Variants in LRRC4B observed in about 807,000 individuals in gnomAD.
The protein encoded by LRRC4B is leucine rich repeat containing 4B, also known as leucine-rich repeat-containing protein 4B.
Under a neutral mutation model 7.3 loss-of-function variants are expected in LRRC4B, and 1 was observed. The ratio of observed to expected loss-of-function variants is 0.14; its 90% confidence interval spans 0.05 to 0.65. LRRC4B has a LOEUF of 0.65. LRRC4B is among the 30% of genes least tolerant of loss of function. The probability of loss-of-function intolerance (pLI) is 0.84; values close to 1 mark genes in which losing one functional copy is unlikely to be tolerated. For missense variants in LRRC4B, 730 were observed against 1,041.6 expected (o/e 0.70, Z 4.12); for synonymous variants, 500 against 499.2 (o/e 1.00, Z -0.02).
intron 2 of LRRC4B, among the ~76,000 whole-genome samples, chr19:50,544,235 A>G (rs7257595): frequency 0.24 from 36,126 of 149,934 alleles, 4,702 homozygotes; most frequent in Admixed American, 0.37. Context: ...GGCCGGGCGC[A>G]GTGGCTCATG....
At chr19:50,567,021 G>A (rs544877835) in intron 1 of LRRC4B, among the ~76,000 whole-genome samples, 6 of 151,262 alleles carry the variant, frequency 4.0e-5, no homozygotes, top group African/African-American at 1.5e-4. Flanking sequence ...GATATCTGGG[G>A]GATTGTCAGA....
intron 1 of LRRC4B, among the ~76,000 whole-genome samples, chr19:50,552,495 T>C (rs1238461984): frequency 1.3e-5 from 2 of 152,058 alleles, no homozygotes; most frequent in Non-Finnish European, 2.9e-5. Flanking sequence ...CCTGACACAC[T>C]TCTGCAAAAT....
rs1300043960 is a variant in LRRC4B, at chr19:50,522,456, TTTA to T, written c.298-3044_298-3042del. Among the ~76,000 whole-genome samples the T allele has an allele frequency of 2.3e-5, 3 of 130,798 alleles. No individual in the cohort carries two copies. The Admixed American group carries it at 2.7e-4, about 12-fold the overall frequency. 85.8% of individuals were successfully genotyped at this position (130,798 alleles called of 152,430 possible). ...TCAGAACTCATGTGAAGCTATTTTA[TTTA>T]TTATTTATTTATTTATTTATTTATT... On this transcript the variant is annotated intron_variant, in intron 2 of 2. Transcript: ENST00000652263.
Position 50,548,733 on chromosome 19 carries a change from C to G in LRRC4B, c.106G>C (p.Ala36Pro). The G allele has an allele frequency of 3.2e-6, 5 of 1,539,890 alleles. No homozygotes were observed. Among genetic ancestry groups the G allele is most frequent in the Non-Finnish European group, 4.4e-6 (5 of 1,146,646 alleles). ...FLWLFSPPLG[A>P]GGGGVAVTSA... ...GTCACGGCCACTCCACCTCCACCGGCCCCCAGGGGTGGGGAGAAGAGCCAG... is the reference window on the plus strand; with the variant it reads ...GTCACGGCCACTCCACCTCCACCGGGCCCCAGGGGTGGGGAGAAGAGCCAG... The change falls in exon 2 of 3, where the codon GCC becomes CCC. Residue 36 changes from alanine to proline, a missense_variant. Ala to Pro is a conservative substitution (Grantham distance 27). Transcript: ENST00000652263. The surrounding 1 kb of genome is among the most constrained non-coding windows in gnomAD (Gnocchi z 6.8).
rs530621648 is a variant in LRRC4B, at chr19:50,537,898, C to T, written c.297+10644G>A. 1.4e-4 allele frequency among the ~76,000 whole-genome samples: 21 copies of T among 152,154 alleles called. No individual in the cohort carries two copies. Among genetic ancestry groups the T allele is most frequent in the African/African-American group, 4.1e-4 (17 of 41,534 alleles). On this transcript the variant is annotated intron_variant, in intron 2 of 2. Transcript: ENST00000652263. The surrounding 1 kb of genome is among the most constrained non-coding windows in gnomAD (Gnocchi z 5.5). ...AGTTAGACACGAAGTCTCAGCAGCC[C>T]GGGAACGGACGGCAGAGGGCGCACT...
intron 2 of LRRC4B, among the ~76,000 whole-genome samples, chr19:50,520,501 A>C (rs146672526): frequency 0.011 from 1,628 of 151,356 alleles, 27 homozygotes; most frequent in African/African-American, 0.037. Context: ...GTGGTGGCAC[A>C]TGCCTGTAAT....
At chr19:50,523,297 G>A (rs988194143) in intron 2 of LRRC4B, among the ~76,000 whole-genome samples, 1 of 150,954 alleles carries the variant, frequency 6.6e-6, no homozygotes, top group Non-Finnish European at 1.5e-5. Flanking sequence ...CAGTATTAAC[G>A]GAGGAAACTG....
chr19:50,551,673 T>C (rs1982072897), intron 1 of LRRC4B, among the ~76,000 whole-genome samples: 1 of 144,026 alleles, frequency 6.9e-6, no homozygotes, highest in Admixed American at 7.0e-5. Context: ...TTCTCCTCCA[T>C]CTATTCCTCC....
At chr19:50,526,493 G>C (rs912361825) in intron 2 of LRRC4B, among the ~76,000 whole-genome samples, 2 of 152,270 alleles carry the variant, frequency 1.3e-5, no homozygotes, top group Middle Eastern at 3.4e-3. Context: ...GCAGGGACTG[G>C]GTCCCAACCA....
Position 50,553,825 on chromosome 19 carries a change from G to C in LRRC4B, c.-35-4952C>G, listed in dbSNP as rs748305938. The stretch of plus-strand genomic sequence containing the variant: ...GACGGATGGGTACGTTATCATCACT[G>C]TGAGTCTATTTCCCCCCACGCTCAC... On this transcript the variant is annotated intron_variant, in intron 1 of 2. Coordinates refer to ENST00000652263, the MANE Select transcript of LRRC4B (RefSeq NM_001080457.2). The surrounding 1 kb of genome is among the most constrained non-coding windows in gnomAD (Gnocchi z 4.2). 6.6e-6 allele frequency among the ~76,000 whole-genome samples: 1 copy of C among 151,808 alleles called. No homozygotes were observed. The highest frequency in any genetic ancestry group is 1.5e-5 in the Non-Finnish European group (1 of 67,982).
intron 2 of LRRC4B, among the ~76,000 whole-genome samples, chr19:50,524,909 C>T (rs1980736106): frequency 6.6e-6 from 1 of 152,172 alleles, no homozygotes; most frequent in Non-Finnish European, 1.5e-5. Flanking sequence ...ACACAGTCAC[C>T]TTTTGTCCAT....
chr19:50,566,381 G>A (rs1982628989), intron 1 of LRRC4B, among the ~76,000 whole-genome samples: 1 of 151,842 alleles, frequency 6.6e-6, no homozygotes, highest in East Asian at 2.0e-4. Context: ...GGCGGGGAGG[G>A]GGCCGAGGGG....
At chr19:50,565,116 T>C (rs2122936671) in intron 1 of LRRC4B, among the ~76,000 whole-genome samples, 1 of 152,294 alleles carries the variant, frequency 6.6e-6, no homozygotes, top group African/African-American at 2.4e-5. Flanking sequence ...TAAGGGTGAC[T>C]GCTGGATGGG....
At chr19:50,543,061 C>G (rs974490006) in intron 2 of LRRC4B, among the ~76,000 whole-genome samples, 3 of 152,142 alleles carry the variant, frequency 2.0e-5, no homozygotes, top group Non-Finnish European at 4.4e-5. Context: ...CGTCGGCTCC[C>G]ACCGACAGAT....
At chr19:50,554,462 G>A (rs1166046666) in intron 1 of LRRC4B, among the ~76,000 whole-genome samples, 1 of 152,166 alleles carries the variant, frequency 6.6e-6, no homozygotes, top group Admixed American at 6.5e-5. Flanking sequence ...CCAGAGGAAA[G>A]CTACCACTCT....
chr19:50,543,032 AGG>A (rs745465194), intron 2 of LRRC4B, among the ~76,000 whole-genome samples: 3 of 151,954 alleles, frequency 2.0e-5, no homozygotes, highest in Non-Finnish European at 4.4e-5. Flanking sequence ...AGCTCACGGG[AGG>A]GCGTCGCAGG....
intron 1 of LRRC4B, among the ~76,000 whole-genome samples, chr19:50,561,253 G>A (rs895689451): frequency 6.6e-6 from 1 of 152,038 alleles, no homozygotes; most frequent in African/African-American, 2.4e-5. Context: ...GGAGTGGGGG[G>A]CCCATGGGAT....
At chr19:50,565,828 C>T (rs1599790199) in intron 1 of LRRC4B, among the ~76,000 whole-genome samples, 2 of 141,582 alleles carry the variant, frequency 1.4e-5, no homozygotes, top group South Asian at 4.4e-4. Flanking sequence ...GGCGTGTGTC[C>T]CCGGCTCCCC....
intron 1 of LRRC4B, among the ~76,000 whole-genome samples, chr19:50,564,884 C>CG (rs892118873): frequency 1.3e-5 from 2 of 152,008 alleles, no homozygotes; most frequent in African/African-American, 4.8e-5. Context: ...CACCCCCGCC[C>CG]CCAATCCCCA....
Sources: gnomAD v4.1 joint callset for allele counts (sites outside exome capture counted in the v4.1 genomes callset) on GRCh38, gnomAD v4.1.1 for gene constraint, Gnocchi (gnomAD v3.1) non-coding constraint, MANE v1.5 for transcripts, NCBI Gene and HGNC (gene_info 2026-07-23, HGNC 2026-07-21) for gene names.